Variants in FSIP1 observed in about 807,000 individuals in gnomAD.
FSIP1 encodes the protein fibrous sheath-interacting protein 1.
In FSIP1, 65 loss-of-function variants were observed where a neutral mutation model predicts 60.9. The ratio of observed to expected loss-of-function variants is 1.07; its 90% CI spans 0.87 to 1.31. FSIP1 has a LOEUF of 1.31. Ranked by LOEUF, FSIP1 falls within the 40% of genes most tolerant of loss-of-function variation. The pLI, the probability that FSIP1 is intolerant of heterozygous loss-of-function variation, is 0.00. For missense variants in FSIP1, 675 were observed against 665.5 expected, an observed-to-expected ratio of 1.01 and a Z score of -0.16; for synonymous variants, 209 against 221.2, an observed-to-expected ratio of 0.94 and a Z score of 0.49.
rs551244247 is a variant in FSIP1 at position 39,698,696 on chromosome 15, G to A, written c.1188+14748C>T. Among the ~76,000 whole-genome samples the A allele has an allele frequency of 1.8e-4, 28 of 152,276 alleles. No individual in the cohort carries two copies. In the South Asian group the frequency reaches 2.5e-3, roughly 14 times the overall value. ...TAGTTTGCCAATGCTGGTGGATGGCGTAACTTTCAGTTTGGGGTTCAAACT... is the reference window on the plus strand; with the variant it reads ...TAGTTTGCCAATGCTGGTGGATGGCATAACTTTCAGTTTGGGGTTCAAACT... On this transcript the variant is annotated intron_variant, in intron 10 of 11. Transcript: ENST00000350221.
chr15:39,653,246 T>C (rs926899300), intron 10 of FSIP1, among the ~76,000 whole-genome samples: 37 of 151,030 alleles, frequency 2.4e-4, no homozygotes, highest in African/African-American at 9.0e-4. Flanking sequence ...TTACCATGAA[T>C]GGAACTTGCT....
intron 10 of FSIP1, among the ~76,000 whole-genome samples, chr15:39,671,949 G>A (rs1390827771): frequency 1.3e-5 from 2 of 152,152 alleles, no homozygotes; most frequent in African/African-American, 4.8e-5. Context: ...AAAGAGCACA[G>A]AGAATCCAAC....
chr15:39,722,191 T>A (rs1005673431), intron 9 of FSIP1, among the ~76,000 whole-genome samples: 1 of 152,050 alleles, frequency 6.6e-6, no homozygotes, highest in African/African-American at 2.4e-5. Flanking sequence ...GGGATCTAGG[T>A]TGCATATTCC....
At chr15:39,704,906 C>T (rs1372618703) in intron 10 of FSIP1, among the ~76,000 whole-genome samples, 2 of 152,196 alleles carry the variant, frequency 1.3e-5, no homozygotes, top group Non-Finnish European at 1.5e-5. Context: ...GAGTGCTAAA[C>T]ATTTTGATGC....
chr15:39,661,134 G>A (rs987385232), intron 10 of FSIP1, among the ~76,000 whole-genome samples: 3 of 152,026 alleles, frequency 2.0e-5, no homozygotes, highest in Non-Finnish European at 2.9e-5. Flanking sequence ...AGCTTTTGAC[G>A]TCTCTAGTGG....
intron 11 of FSIP1, chr15:39,602,327 CG>C (rs1369103440): frequency 2.2e-6 from 1 of 456,196 alleles, no homozygotes; most frequent in African/African-American, 2.0e-5. Flanking sequence ...AGCATGGAAG[CG>C]TTCTAGCGTT....
intron 3 of FSIP1, among the ~76,000 whole-genome samples, chr15:39,768,059 C>T (rs1256075458): frequency 1.3e-5 from 2 of 152,154 alleles, no homozygotes; most frequent in Non-Finnish European, 2.9e-5. Flanking sequence ...AAACACTCAC[C>T]CTTAGACACT....
At chr15:39,737,453 A>G (rs953489783) in intron 8 of FSIP1, among the ~76,000 whole-genome samples, 2 of 152,196 alleles carry the variant, frequency 1.3e-5, no homozygotes, top group African/African-American at 4.8e-5. Flanking sequence ...CCACAAAACC[A>G]GTTTAGGGAC....
At chr15:39,651,099 CA>C (rs1164725311) in intron 10 of FSIP1, among the ~76,000 whole-genome samples, 3 of 152,244 alleles carry the variant, frequency 2.0e-5, no homozygotes, top group Middle Eastern at 3.4e-3. Context: ...GGCATGAACC[CA>C]TGGACATGAA....
chr15:39,678,906 G>A (rs966524018), intron 10 of FSIP1, among the ~76,000 whole-genome samples: 1 of 152,092 alleles, frequency 6.6e-6, no homozygotes, highest in African/African-American at 2.4e-5. Context: ...AGGTTTTTAG[G>A]TTTTTTAATT....
chr15:39,630,970 C>T (rs115998818), intron 10 of FSIP1, among the ~76,000 whole-genome samples: 1,736 of 152,232 alleles, frequency 0.011, 40 homozygotes, highest in African/African-American at 0.039. Flanking sequence ...TGGCGGCTGC[C>T]CTCTGTGTCT....
At position 39,713,530 on chromosome 15, in the gene FSIP1, T is replaced by C. The variant is rs182307290; in HGVS notation, c.1102A>G (p.Ile368Val). ...CGTTGCTCTTTGGTGTTCCTAAGTATCTTTTCTCCTGGAGTTACTTCCATA... is the reference window on the plus strand; with the variant it reads ...CGTTGCTCTTTGGTGTTCCTAAGTACCTTTTCTCCTGGAGTTACTTCCATA... Reference protein sequence around the residue: ...RNMEVTPGEKILRNTKEQRDL... With the variant: ...RNMEVTPGEKVLRNTKEQRDL... Residue 368 changes from isoleucine to valine, a missense_variant, in exon 10 of 12, where the codon ATA becomes GTA. Coordinates refer to ENST00000350221, the MANE Select transcript of FSIP1 (RefSeq NM_152597.5). 1.2e-6 allele frequency: 2 copies of C among 1,609,704 alleles called. No individual in the cohort carries two copies. Among genetic ancestry groups the C allele is most frequent in the Non-Finnish European group, 1.7e-6 (2 of 1,178,056 alleles).
At chr15:39,765,845 T>C in intron 3 of FSIP1, 99 bp from the exon 4 acceptor site, 1 of 635,908 alleles carries the variant, frequency 1.6e-6, no homozygotes, top group East Asian at 2.9e-5. Context: ...CAAATATTTA[T>C]AGCTGATAGT....
chr15:39,743,708 C>T (rs1197277624), intron 5 of FSIP1, among the ~76,000 whole-genome samples: 1 of 152,122 alleles, frequency 6.6e-6, no homozygotes, highest in African/African-American at 2.4e-5. Flanking sequence ...CTGGTAGACA[C>T]CATTTTCATT....
chr15:39,646,691 G>A (rs80236346), intron 10 of FSIP1, among the ~76,000 whole-genome samples: 4,846 of 147,922 alleles, frequency 0.033, 179 homozygotes, highest in East Asian at 0.11. Context: ...GTGACACTGT[G>A]ACACACTGTC....
intron 9 of FSIP1, among the ~76,000 whole-genome samples, chr15:39,719,394 T>G (rs548930095): frequency 6.6e-6 from 1 of 152,328 alleles, no homozygotes; most frequent in East Asian, 1.9e-4. Context: ...GAACTGTCCC[T>G]GAGGCCAAGA....
intron 10 of FSIP1, among the ~76,000 whole-genome samples, chr15:39,712,902 A>AAAAGT (rs1555394594): frequency 4.3e-4 from 65 of 151,860 alleles, no homozygotes; most frequent in African/African-American, 1.4e-3. Flanking sequence ...TTACAAACAA[A>AAAAGT]AAGAGAATTT....
At chr15:39,758,187 A>T (rs1361625806) in intron 5 of FSIP1, among the ~76,000 whole-genome samples, 1 of 152,110 alleles carries the variant, frequency 6.6e-6, no homozygotes, top group Non-Finnish European at 1.5e-5. Flanking sequence ...GGAGCTTTAA[A>T]AATTAAACAT....
rs1491090328 is a variant in FSIP1 at position 39,687,136 on chromosome 15, C to CTTTTTTTTTTTT, written c.1188+26307_1188+26308insAAAAAAAAAAAA. Among the ~76,000 whole-genome samples, 147 of 47,712 alleles carry CTTTTTTTTTTTT rather than the reference C, an allele frequency of 3.1e-3. 44 individuals are homozygous for CTTTTTTTTTTTT. The highest frequency in any genetic ancestry group is 5.7e-3 in the African/African-American group (65 of 11,504). The allele number at this position is 47,712 out of a possible 152,430, so 31.3% of individuals were successfully genotyped here. On this transcript the variant is annotated intron_variant, in intron 10 of 11. Transcript: ENST00000350221. Reference sequence around the variant, plus strand: ...CACCTTTCTTTCTTTCTTTTCTTTTCCTTTTTTTTTTTTTTTTTTTTTTTT... The same window carrying CTTTTTTTTTTTT: ...CACCTTTCTTTCTTTCTTTTCTTTTCTTTTTTTTTTTTCTTTTTTTTTTTTTTTTTTTTTTTT...
Sources: gnomAD v4.1 joint callset for allele counts (sites outside exome capture counted in the v4.1 genomes callset) on GRCh38, gnomAD v4.1.1 for gene constraint, MANE v1.5 for transcripts, NCBI Gene and HGNC (gene_info 2026-07-23, HGNC 2026-07-21) for gene names.